CDC42BPA: variants seen among roughly 807,000 people sequenced by gnomAD.
The protein encoded by CDC42BPA is CDC42 binding protein kinase alpha.
A neutral mutation model predicts 223.5 loss-of-function variants in CDC42BPA; 80 were observed. The ratio of observed to expected loss-of-function variants is 0.36; its 90% CI spans 0.30 to 0.43. CDC42BPA has a LOEUF of 0.43. Ranked by LOEUF, CDC42BPA falls within the 20% of genes least tolerant of loss-of-function variation. The pLI is 1.00. For missense variants in CDC42BPA, 1,743 were observed against 2,099.9 expected (o/e 0.83, Z 3.32); for synonymous variants, 694 against 718.6 (o/e 0.97, Z 0.55).
intron 1 of CDC42BPA, among the ~76,000 whole-genome samples, chr1:227,302,869 T>C (rs1244142961): frequency 5.3e-5 from 8 of 151,948 alleles, no homozygotes; most frequent in Non-Finnish European, 4.4e-5. Context: ...GAGGTTTCCA[T>C]TTTAGCTATC....
chr1:227,196,475 G>A (rs977948806), intron 4 of CDC42BPA, among the ~76,000 whole-genome samples: 4 of 151,214 alleles, frequency 2.6e-5, no homozygotes, highest in African/African-American at 9.7e-5. Context: ...CAGTACCTGG[G>A]ACTACAGGCG....
chr1:227,126,295 C>T (rs149980401), intron 11 of CDC42BPA, among the ~76,000 whole-genome samples: 3 of 152,244 alleles, frequency 2.0e-5, no homozygotes, highest in African/African-American at 7.2e-5. Flanking sequence ...ATGTTCACAT[C>T]GAGGTTGTCA....
rs572095579 is a variant in CDC42BPA at position 227,136,749 on chromosome 1, G to A, written c.1390+2827C>T. Reference sequence around the variant, plus strand: ...TAGAAAACAATGAAATAATACAGTAGAGCTCTGAAAGAAAAAGCTGCCAAG... The same window carrying A: ...TAGAAAACAATGAAATAATACAGTAAAGCTCTGAAAGAAAAAGCTGCCAAG... On this transcript the variant is annotated intron_variant, in intron 10 of 36. Coordinates refer to ENST00000366766, the MANE Select transcript of CDC42BPA (RefSeq NM_001394014.1). 3.3e-5 allele frequency among the ~76,000 whole-genome samples: 5 copies of A among 152,278 alleles called. No individual in the cohort carries two copies. The South Asian group carries it at 8.3e-4, about 25-fold the overall frequency.
chr1:227,040,557 A>ATTTATTT (rs1671165462), intron 23 of CDC42BPA, among the ~76,000 whole-genome samples: 1 of 152,194 alleles, frequency 6.6e-6, no homozygotes, highest in Non-Finnish European at 1.5e-5. Context: ...TATCCAAATT[A>ATTTATTT]TTGTTCAGCA....
At chr1:227,296,427 C>T (rs1312224627) in intron 1 of CDC42BPA, among the ~76,000 whole-genome samples, 3 of 151,870 alleles carry the variant, frequency 2.0e-5, no homozygotes, top group African/African-American at 4.8e-5. Context: ...AAAAATAGGC[C>T]GGGCATAGTG....
rs551255247 is a variant in CDC42BPA, at chr1:227,215,802, CT to C, written c.271-2584del. Among the ~76,000 whole-genome samples the C allele has an allele frequency of 4.0e-3, 607 of 152,226 alleles. 1 individual carries two copies. The highest frequency in any genetic ancestry group is 7.4e-3 in the Non-Finnish European group (503 of 67,978). Reference sequence around the variant, plus strand: ...AATCTTTCATCTCTTTAATTTCTAACTTTCTGTAATTTTAGACTTATGACAA... The same window carrying C: ...AATCTTTCATCTCTTTAATTTCTAACTTCTGTAATTTTAGACTTATGACAA... On this transcript the variant is annotated intron_variant, in intron 2 of 36. Coordinates refer to ENST00000366766, the MANE Select transcript of CDC42BPA (RefSeq NM_001394014.1).
chr1:227,141,877 G>A (rs1659737921), intron 9 of CDC42BPA, among the ~76,000 whole-genome samples: 1 of 152,154 alleles, frequency 6.6e-6, no homozygotes, highest in Admixed American at 6.5e-5. Flanking sequence ...GCTGAGGCAG[G>A]GGGATCATTT....
intron 21 of CDC42BPA, among the ~76,000 whole-genome samples, chr1:227,066,394 A>AAAAAC (rs1558417146): frequency 3.4e-5 from 5 of 148,162 alleles, no homozygotes; most frequent in African/African-American, 1.0e-4. Flanking sequence ...GTCTCAAAAA[A>AAAAAC]AAAAACAAAA....
At chr1:227,001,912 AAAC>A (rs1662933565) in intron 35 of CDC42BPA, among the ~76,000 whole-genome samples, 1 of 151,988 alleles carries the variant, frequency 6.6e-6, no homozygotes, top group African/African-American at 2.4e-5. Context: ...GTCTCAAAAA[AAAC>A]AAAAACAAAA....
intron 11 of CDC42BPA, among the ~76,000 whole-genome samples, chr1:227,122,429 CAG>C (rs1278896958): frequency 6.6e-6 from 1 of 152,160 alleles, no homozygotes; most frequent in Non-Finnish European, 1.5e-5. Context: ...AAGTTTGTAA[CAG>C]ATGATATCAC....
At chr1:227,196,360 G>C (rs1670719966) in intron 4 of CDC42BPA, among the ~76,000 whole-genome samples, 1 of 5,948 alleles carries the variant, frequency 1.7e-4, no homozygotes. Flanking sequence ...TTTTTTTTGA[G>C]ACAGAGTCTC....
chr1:227,171,418 T>C (rs1216098344), intron 5 of CDC42BPA, among the ~76,000 whole-genome samples: 1 of 152,180 alleles, frequency 6.6e-6, no homozygotes, highest in Admixed American at 6.6e-5. Flanking sequence ...TCCAGGAGTT[T>C]ATGACCAGCG....
chr1:227,310,679 TTTTTTTG>T (rs1693352183), intron 1 of CDC42BPA, among the ~76,000 whole-genome samples: 1 of 143,364 alleles, frequency 7.0e-6, no homozygotes, highest in Non-Finnish European at 1.5e-5. Flanking sequence ...AAGGAGTTTT[TTTTTTTG>T]TTTTTTGTTT....
chr1:227,014,459 TAAGC>T (rs1478330760), intron 34 of CDC42BPA, among the ~76,000 whole-genome samples: 3 of 152,108 alleles, frequency 2.0e-5, no homozygotes, highest in Admixed American at 2.0e-4. Flanking sequence ...CATTCATTCA[TAAGC>T]AAGCAGAGCC....
At chr1:227,293,422 C>T (rs1160246813) in intron 1 of CDC42BPA, among the ~76,000 whole-genome samples, 1 of 151,654 alleles carries the variant, frequency 6.6e-6, no homozygotes, top group African/African-American at 2.4e-5. Flanking sequence ...GTTATGAGAA[C>T]TGGTTATACA....
rs15425 is a variant in CDC42BPA at position 226,993,777 on chromosome 1, A to G, written c.*491T>C. 1 of 154,850 alleles carries G rather than the reference A, an allele frequency of 6.5e-6. No individual in the cohort carries two copies. Among genetic ancestry groups the G allele is most frequent in the African/African-American group, 2.4e-5 (1 of 41,442 alleles). 9.6% of individuals were successfully genotyped at this position (154,850 alleles called of 1,614,324 possible). Reference sequence around the variant, plus strand: ...TAAAATATGCATTGTTTTAATTCATAAGGATTTCCTGGCAACAATCAGGTT... The same window carrying G: ...TAAAATATGCATTGTTTTAATTCATGAGGATTTCCTGGCAACAATCAGGTT... On this transcript the variant is annotated 3_prime_UTR_variant, in exon 37 of 37. Transcript: ENST00000366766.
intron 34 of CDC42BPA, among the ~76,000 whole-genome samples, chr1:227,008,085 T>C (rs1285412389): frequency 6.6e-6 from 1 of 152,214 alleles, no homozygotes; most frequent in Non-Finnish European, 1.5e-5. Context: ...TTATACTGAC[T>C]GTTATTACAA....
At chr1:227,140,847 C>T (rs1278647386) in intron 9 of CDC42BPA, among the ~76,000 whole-genome samples, 1 of 152,014 alleles carries the variant, frequency 6.6e-6, no homozygotes, top group Non-Finnish European at 1.5e-5. Context: ...TGGAGATGCA[C>T]GTTTAGGAGT....
chr1:227,306,692 G>C (rs952275370), intron 1 of CDC42BPA, among the ~76,000 whole-genome samples: 3 of 152,294 alleles, frequency 2.0e-5, no homozygotes, highest in Non-Finnish European at 2.9e-5. Flanking sequence ...CCCGAACTTA[G>C]TCTGTTGTTA....
Sources: allele counts gnomAD v4.1 joint callset (sites outside exome capture counted in the v4.1 genomes callset), GRCh38; gene constraint gnomAD v4.1.1; transcripts MANE v1.5; gene names NCBI Gene and HGNC (gene_info 2026-07-23, HGNC 2026-07-21).